Variants in AASS observed in about 807,000 individuals in gnomAD.
AASS encodes alpha-aminoadipic semialdehyde synthase, mitochondrial.
AASS carries 86 observed loss-of-function variants against 105.4 expected under a neutral mutation model. The observed-to-expected ratio is 0.82, with a 90% CI of 0.69 to 0.98. The LOEUF (loss-of-function observed/expected upper bound fraction) is 0.98, where lower values mean the gene tolerates loss of function less well. AASS is among the 50% of genes least tolerant of loss of function. The pLI is 0.00. For synonymous variants in AASS, 381 were observed against 394.8 expected, an observed-to-expected ratio of 0.96 and a Z score of 0.41; for missense variants, 1,048 against 1,143.2, an observed-to-expected ratio of 0.92 and a Z score of 1.20.
rs763179634 is a variant in AASS at position 122,118,386 on chromosome 7, T to G, written c.608A>C (p.Tyr203Ser). 31 of 1,614,214 alleles carry G rather than the reference T, an allele frequency of 1.9e-5. No homozygotes were observed. The South Asian group carries it at 3.1e-4, about 16-fold the overall frequency. Residue 203 changes from tyrosine (Y) to serine (S), a missense_variant, in exon 6 of 24, where the codon TAT becomes TCT. Coordinates refer to ENST00000417368, the MANE Select transcript of AASS (RefSeq NM_005763.4). The stretch of plus-strand genomic sequence containing the variant: ...AGGCATCAAACCCAAAGATATTTCA[T>G]AGCCAGCATCACGGACAGCTTGCAC... ...QAVQAVRDAG[Y>S]EISLGLMPKS...
At chr7:122,128,853 C>T (rs1320502279) in intron 3 of AASS, among the ~76,000 whole-genome samples, 6 of 151,996 alleles carry the variant, frequency 3.9e-5, no homozygotes, top group Admixed American at 6.6e-5. Context: ...CTGAGGTGGG[C>T]GGATCACGAG....
intron 19 of AASS, chr7:122,082,639 G>A (rs770081699): frequency 2.2e-5 from 7 of 317,146 alleles, no homozygotes; most frequent in East Asian, 1.6e-4. Context: ...TGCCCACTTC[G>A]GGGCAGATAA....
Position 122,076,363 on chromosome 7 carries a change from G to T in AASS, c.*126C>A. On this transcript the variant is annotated 3_prime_UTR_variant, in exon 24 of 24. Coordinates refer to ENST00000417368, the MANE Select transcript of AASS (RefSeq NM_005763.4). ...AAAATAAAGATTTATAGTTCAAAAA[G>T]TACATTGTGTTAACCAAAACATATT... 1 of 740,674 alleles carries T rather than the reference G, an allele frequency of 1.4e-6. No individual in the cohort carries two copies. The highest frequency in any genetic ancestry group is 2.4e-6 in the Non-Finnish European group (1 of 414,518). The allele number at this position is 740,674 out of a possible 1,614,324, so 45.9% of individuals were successfully genotyped here. A position where few individuals can be genotyped will look rare whatever the true frequency, so the allele number is the denominator to read the frequency against.
chr7:122,124,004 C>T (rs1043417030), intron 4 of AASS, among the ~76,000 whole-genome samples: 1 of 152,232 alleles, frequency 6.6e-6, no homozygotes, highest in African/African-American at 2.4e-5. Context: ...TACATCCAAT[C>T]AGTCACCACA....
chr7:122,139,778 C>G (rs1426925963), intron 1 of AASS, among the ~76,000 whole-genome samples: 1 of 151,956 alleles, frequency 6.6e-6, no homozygotes, highest in African/African-American at 2.4e-5. Flanking sequence ...CATGCAAAAC[C>G]CCATCTCTAC....
chr7:122,142,141 T>C (rs760291924), intron 1 of AASS, among the ~76,000 whole-genome samples: 2 of 152,202 alleles, frequency 1.3e-5, no homozygotes, highest in Admixed American at 1.3e-4. Flanking sequence ...AAACTTACTC[T>C]GTGACCTTGG....
intron 9 of AASS, 142 bp downstream of exon 9, chr7:122,114,932 G>A: frequency 1.9e-6 from 2 of 1,065,634 alleles, no homozygotes; most frequent in Non-Finnish European, 2.9e-6. Flanking sequence ...GGTTAACAGT[G>A]TTGAGTACTG....
chr7:122,084,631 A>G (rs1793535686), intron 19 of AASS, among the ~76,000 whole-genome samples: 1 of 152,114 alleles, frequency 6.6e-6, no homozygotes, highest in Non-Finnish European at 1.5e-5. Context: ...GCAGGGCTGC[A>G]GAGAAGAAAA....
chr7:122,080,170 C>A (rs1215528842), intron 20 of AASS, among the ~76,000 whole-genome samples: 1 of 152,134 alleles, frequency 6.6e-6, no homozygotes, highest in East Asian at 1.9e-4. Context: ...AATAAAATCT[C>A]AAAGGAAGAA....
intron 6 of AASS, among the ~76,000 whole-genome samples, chr7:122,117,828 G>T (rs1795254964): frequency 6.6e-6 from 1 of 151,716 alleles, no homozygotes; most frequent in Non-Finnish European, 1.5e-5. Flanking sequence ...GCTAATTTTT[G>T]TATTTTTGGT....
chr7:122,125,475 G>A (rs910662416), intron 4 of AASS, among the ~76,000 whole-genome samples: 7 of 152,060 alleles, frequency 4.6e-5, no homozygotes, highest in African/African-American at 1.7e-4. Flanking sequence ...AGAATACACC[G>A]AACAAAAGAG....
chr7:122,134,860 A>G (rs776545130), intron 1 of AASS, among the ~76,000 whole-genome samples: 19 of 152,156 alleles, frequency 1.2e-4, no homozygotes, highest in Non-Finnish European at 1.5e-4. Context: ...AATAGCAAAG[A>G]CTTGGAACCA....
chr7:122,082,635 C>T (rs1451173315), intron 19 of AASS, among the ~76,000 whole-genome samples: 3 of 152,182 alleles, frequency 2.0e-5, no homozygotes, highest in African/African-American at 7.2e-5. Context: ...CCAATGCCCA[C>T]TTCGGGGCAG....
At chr7:122,108,135 T>C (rs1794756786) in intron 11 of AASS, among the ~76,000 whole-genome samples, 1 of 151,954 alleles carries the variant, frequency 6.6e-6, no homozygotes, top group South Asian at 2.1e-4. Context: ...ATAAACAATC[T>C]GAATAGGCGA....
intron 1 of AASS, among the ~76,000 whole-genome samples, chr7:122,140,485 C>CAGAAAAAAAAAA (rs1796336618): frequency 2.7e-5 from 1 of 37,328 alleles, no homozygotes; most frequent in Non-Finnish European, 4.7e-5. Flanking sequence ...GACTCAGTCT[C>CAGAAAAAAAAAA]AAAAAAAAAA....
chr7:122,112,130 A>T (rs553723025), intron 11 of AASS, among the ~76,000 whole-genome samples: 18 of 152,308 alleles, frequency 1.2e-4, no homozygotes, highest in African/African-American at 4.3e-4. Context: ...TGTATCAGCA[A>T]CACGTCCTTA....
intron 9 of AASS, 109 bp from the exon 10 acceptor site, chr7:122,113,829 C>T (rs1795044441): frequency 7.6e-7 from 1 of 1,313,168 alleles, no homozygotes; most frequent in African/African-American, 1.5e-5. Flanking sequence ...CAAATATTTT[C>T]CAGGCTTTTG....
intron 1 of AASS, among the ~76,000 whole-genome samples, chr7:122,140,485 C>CAAAAAAAAAAAAAAAAAAAAAAAA (rs57828681): frequency 1.5e-3 from 56 of 37,322 alleles, no homozygotes; most frequent in South Asian, 1.7e-3. Flanking sequence ...GACTCAGTCT[C>CAAAAAAAAAAAAAAAAAAAAAAAA]AAAAAAAAAA....
At chr7:122,121,978 T>C (rs1443512928) in intron 4 of AASS, among the ~76,000 whole-genome samples, 1 of 152,196 alleles carries the variant, frequency 6.6e-6, no homozygotes, top group Non-Finnish European at 1.5e-5. Context: ...CTTTCAGCAC[T>C]TTAAAGATGT....
Sources: allele counts gnomAD v4.1 joint callset (sites outside exome capture counted in the v4.1 genomes callset), GRCh38; gene constraint gnomAD v4.1.1; transcripts MANE v1.5; gene names NCBI Gene and HGNC (gene_info 2026-07-23, HGNC 2026-07-21).